Variants in CNTN5 observed in about 807,000 individuals in gnomAD.
CNTN5 encodes contactin 5.
CNTN5 carries 77 observed loss-of-function variants against 129.1 expected under a neutral mutation model. The ratio of observed to expected loss-of-function variants is 0.60; its 90% CI spans 0.50 to 0.72. The LOEUF is 0.72. Among genes scored for constraint, CNTN5 ranks in the 30% least tolerant of loss-of-function variants. The pLI, the probability that CNTN5 is intolerant of heterozygous loss-of-function variation, is 0.00. For synonymous variants in CNTN5, 509 were observed against 465.6 expected, an observed-to-expected ratio of 1.09 and a Z score of -1.20; for missense variants, 1,478 against 1,328.8, an observed-to-expected ratio of 1.11 and a Z score of -1.75.
intron 2 of CNTN5, among the ~76,000 whole-genome samples, chr11:99,474,440 C>A (rs189520424): frequency 2.3e-4 from 35 of 152,066 alleles, no homozygotes; most frequent in African/African-American, 8.4e-4. Flanking sequence ...TGCCCTTGTT[C>A]ACATATTATA....
Position 99,468,582 on chromosome 11 carries a change from C to T in CNTN5, c.-70-87563C>T, listed in dbSNP as rs115445209. Among the ~76,000 whole-genome samples, 310 of 151,968 alleles carry T rather than the reference C, an allele frequency of 2.0e-3. 3 individuals are homozygous for T. Among genetic ancestry groups the T allele is most frequent in the African/African-American group, 7.0e-3 (290 of 41,458 alleles). On this transcript the variant is annotated intron_variant, in intron 2 of 24. Transcript: ENST00000524871. ...CAGAGTCATTGCAATGTTTGCTTAG[C>T]TTCTTTCCACTCAAATTCTTTCCAT...
chr11:99,224,872 T>C (rs1232565858), intron 1 of CNTN5, among the ~76,000 whole-genome samples: 2 of 152,096 alleles, frequency 1.3e-5, no homozygotes, highest in Admixed American at 1.3e-4. Context: ...GATTCCCATG[T>C]ATTTATTTTG....
intron 1 of CNTN5, among the ~76,000 whole-genome samples, chr11:99,103,323 C>G (rs1223995688): frequency 6.6e-6 from 1 of 152,206 alleles, no homozygotes; most frequent in East Asian, 1.9e-4. Context: ...TATGTATACA[C>G]TAGCACAGCA....
intron 3 of CNTN5, 131 bp from the exon 4 acceptor site, chr11:99,819,413 C>T (rs1254914431): frequency 1.4e-5 from 10 of 697,354 alleles, no homozygotes; most frequent in South Asian, 1.1e-4. Context: ...TTCACACTCT[C>T]ACTGTAATCT....
chr11:99,127,184 T>C (rs947627004), intron 1 of CNTN5, among the ~76,000 whole-genome samples: 13 of 152,216 alleles, frequency 8.5e-5, no homozygotes, highest in South Asian at 2.1e-4. Flanking sequence ...CTTGCTCTTA[T>C]ATTTATTACT....
chr11:99,450,958 C>G (rs994693659), intron 2 of CNTN5, among the ~76,000 whole-genome samples: 6 of 151,716 alleles, frequency 4.0e-5, no homozygotes, highest in Non-Finnish European at 7.4e-5. Flanking sequence ...CTCAATGGAG[C>G]AAAGATAAGA....
At chr11:99,401,895 T>C (rs74746474) in intron 2 of CNTN5, among the ~76,000 whole-genome samples, 18,544 of 152,162 alleles carry the variant, frequency 0.12, 1,233 homozygotes, top group Non-Finnish European at 0.16. Flanking sequence ...ATAGAAATTC[T>C]ATTGATTTTT....
intron 21 of CNTN5, among the ~76,000 whole-genome samples, chr11:100,312,126 G>A (rs1054014714): frequency 6.6e-6 from 1 of 151,848 alleles, no homozygotes; most frequent in East Asian, 1.9e-4. Context: ...TTCAAAATAT[G>A]GCATCTTGTT....
chr11:100,061,021 G>T (rs926298644), intron 9 of CNTN5, among the ~76,000 whole-genome samples, 191 bp from the exon 10 acceptor site: 1 of 152,146 alleles, frequency 6.6e-6, no homozygotes, highest in African/African-American at 2.4e-5. Flanking sequence ...TGAAAGAAAA[G>T]GAAATTCTTT....
chr11:99,200,856 T>A (rs1859136785), intron 1 of CNTN5, among the ~76,000 whole-genome samples: 1 of 152,092 alleles, frequency 6.6e-6, no homozygotes, highest in Non-Finnish European at 1.5e-5. Flanking sequence ...TGGATTGGCT[T>A]GCCTTCCTCA....
intron 3 of CNTN5, among the ~76,000 whole-genome samples, chr11:99,735,044 G>A (rs1943658498): frequency 6.6e-6 from 1 of 152,122 alleles, no homozygotes; most frequent in East Asian, 1.9e-4. Flanking sequence ...GTAACCCACT[G>A]TGTTATAATA....
At chr11:100,354,134 T>C (rs1027550931) in intron 24 of CNTN5, among the ~76,000 whole-genome samples, 7 of 151,616 alleles carry the variant, frequency 4.6e-5, no homozygotes, top group African/African-American at 1.7e-4. Flanking sequence ...AAGAGGAGAA[T>C]AAATAATTGT....
intron 3 of CNTN5, among the ~76,000 whole-genome samples, chr11:99,634,914 T>C (rs1052189236): frequency 7.9e-5 from 12 of 152,196 alleles, no homozygotes; most frequent in Non-Finnish European, 1.3e-4. Context: ...GAGACAGATA[T>C]GGAACTCTCA....
chr11:99,691,855 C>A (rs1205951931), intron 3 of CNTN5, among the ~76,000 whole-genome samples: 1 of 152,022 alleles, frequency 6.6e-6, no homozygotes, highest in Non-Finnish European at 1.5e-5. Flanking sequence ...GTGTTAGTCT[C>A]CCACTATTAT....
chr11:99,319,345 A>G (rs543439697), intron 1 of CNTN5, among the ~76,000 whole-genome samples: 8 of 152,300 alleles, frequency 5.3e-5, no homozygotes, highest in Admixed American at 1.3e-4. Flanking sequence ...ATAGTCGCCC[A>G]TTGGTGTTTG....
At chr11:99,852,768 T>A (rs763343685) in intron 6 of CNTN5, among the ~76,000 whole-genome samples, 17 of 152,194 alleles carry the variant, frequency 1.1e-4, no homozygotes, top group Non-Finnish European at 1.3e-4. Flanking sequence ...CAGTTCTTCA[T>A]TCAAGTTGTA....
chr11:99,264,295 ATTTG>A (rs1402077313), intron 1 of CNTN5, among the ~76,000 whole-genome samples: 5 of 151,712 alleles, frequency 3.3e-5, no homozygotes, highest in Non-Finnish European at 5.9e-5. Context: ...CTTACACAAA[ATTTG>A]TTTGGATATT....
At chr11:99,400,010 A>T (rs913922113) in intron 2 of CNTN5, among the ~76,000 whole-genome samples, 18 of 152,256 alleles carry the variant, frequency 1.2e-4, no homozygotes, top group Admixed American at 2.6e-4. Context: ...CAATACAATT[A>T]TACTTTTAGT....
chr11:100,026,894 T>A (rs898368684), intron 9 of CNTN5, among the ~76,000 whole-genome samples: 3 of 152,268 alleles, frequency 2.0e-5, no homozygotes, highest in South Asian at 2.1e-4. Context: ...GTCCAACATA[T>A]CAATTTGTTT....
Sources: gnomAD v4.1 joint callset for allele counts (sites outside exome capture counted in the v4.1 genomes callset) on GRCh38, gnomAD v4.1.1 for gene constraint, MANE v1.5 for transcripts, NCBI Gene and HGNC (gene_info 2026-07-23, HGNC 2026-07-21) for gene names.